The following PDE9A variants were observed in gnomAD, a reference collection of about 807,000 sequenced individuals.
The protein encoded by PDE9A is high affinity cGMP-specific 3',5'-cyclic phosphodiesterase 9A.
A neutral mutation model predicts 87.4 loss-of-function variants in PDE9A; 60 were observed. The ratio of observed to expected loss-of-function variants is 0.69; its 90% CI spans 0.56 to 0.85. The LOEUF is 0.85. Among genes scored for constraint, PDE9A ranks in the 40% least tolerant of loss-of-function variants. The pLI, the probability that PDE9A is intolerant of heterozygous loss-of-function variation, is 0.00. For synonymous variants in PDE9A, 272 were observed against 279.4 expected, an observed-to-expected ratio of 0.97 and a Z score of 0.27; for missense variants, 665 against 779.0, an observed-to-expected ratio of 0.85 and a Z score of 1.74.
chr21:42,752,431 G>C (rs930012042), intron 9 of PDE9A, among the ~76,000 whole-genome samples: 1 of 152,026 alleles, frequency 6.6e-6, no homozygotes, highest in Admixed American at 6.6e-5. Flanking sequence ...GCCATGCCCG[G>C]CTAATTACTG....
intron 1 of PDE9A, among the ~76,000 whole-genome samples, chr21:42,669,319 C>T (rs2058251086): frequency 1.3e-5 from 2 of 152,078 alleles, no homozygotes; most frequent in South Asian, 4.1e-4. Context: ...ATTGCGGCCG[C>T]ATCACACCAC....
At chr21:42,669,468 C>G (rs368561389) in intron 1 of PDE9A, among the ~76,000 whole-genome samples, 89 of 152,336 alleles carry the variant, frequency 5.8e-4, no homozygotes, top group African/African-American at 2.1e-3. Flanking sequence ...TCAAATCCTT[C>G]CACTTAACAG....
chr21:42,738,969 GCATGAGC>G (rs2052785358), intron 7 of PDE9A, among the ~76,000 whole-genome samples: 1 of 152,230 alleles, frequency 6.6e-6, no homozygotes, highest in South Asian at 2.1e-4. Context: ...GGGATTATAG[GCATGAGC>G]CACTGCGCCC....
chr21:42,696,532 C>T lies in PDE9A; in HGVS notation c.219-2436C>T, dbSNP rs1326767994. Among the ~76,000 whole-genome samples, 1 of 152,036 alleles carries T rather than the reference C, an allele frequency of 6.6e-6. No homozygotes were observed. The highest frequency in any genetic ancestry group is 2.4e-5 in the African/African-American group (1 of 41,386). On this transcript the variant is annotated intron_variant, in intron 3 of 19. Coordinates refer to ENST00000291539, the MANE Select transcript of PDE9A (RefSeq NM_002606.3). This position sits in a 1 kb window ranked among gnomAD's most constrained non-coding sequence, Gnocchi z 5.1. Reference sequence around the variant, plus strand: ...CTGCCCACGCAGGTCCTGGCTTTCTCTCCACCCACTGCACCATTTCCAGGG... The same window carrying T: ...CTGCCCACGCAGGTCCTGGCTTTCTTTCCACCCACTGCACCATTTCCAGGG...
intron 1 of PDE9A, among the ~76,000 whole-genome samples, chr21:42,667,886 C>T (rs2058115470): frequency 6.6e-6 from 1 of 151,992 alleles, no homozygotes; most frequent in Admixed American, 6.6e-5. Context: ...ACCGCCCTTT[C>T]CCCCCTGCAG....
intron 1 of PDE9A, among the ~76,000 whole-genome samples, chr21:42,665,622 G>C (rs371074262): frequency 6.6e-6 from 1 of 152,148 alleles, no homozygotes. Flanking sequence ...TCCCTGCCCT[G>C]GCCGGCCCTT....
At chr21:42,697,826 G>A (rs1447963594) in intron 3 of PDE9A, among the ~76,000 whole-genome samples, 1 of 152,158 alleles carries the variant, frequency 6.6e-6, no homozygotes, top group Non-Finnish European at 1.5e-5. Flanking sequence ...CTTACCCACT[G>A]GGGATGAGGG....
Position 42,704,182 on chromosome 21 carries a change from G to T in PDE9A, c.262+5171G>T, listed in dbSNP as rs1240141955. Among the ~76,000 whole-genome samples the T allele has an allele frequency of 6.6e-6, 1 of 152,198 alleles. No homozygotes were observed. The highest frequency in any genetic ancestry group is 1.5e-5 in the Non-Finnish European group (1 of 68,036). Reference sequence around the variant, plus strand: ...AGCGGCCACACGGAAGGCCAGGCTGGGTGTCCCTCCGGGCCAGCCGAGGAG... The same window carrying T: ...AGCGGCCACACGGAAGGCCAGGCTGTGTGTCCCTCCGGGCCAGCCGAGGAG... On this transcript the variant is annotated intron_variant, in intron 4 of 19. Transcript: ENST00000291539. This position sits in a 1 kb window ranked among gnomAD's most constrained non-coding sequence, Gnocchi z 5.3.
chr21:42,744,929 G>A (rs1447083711), intron 8 of PDE9A, among the ~76,000 whole-genome samples: 3 of 152,222 alleles, frequency 2.0e-5, no homozygotes. Context: ...TTGCCTCCAT[G>A]CCCGCTGGTG....
chr21:42,688,680 C>A (rs1004644495), intron 3 of PDE9A, among the ~76,000 whole-genome samples: 1 of 152,212 alleles, frequency 6.6e-6, no homozygotes, highest in South Asian at 2.1e-4. Flanking sequence ...AGCAGGTGAG[C>A]TGGGGGCGGG....
chr21:42,691,679 G>A (rs757254450), intron 3 of PDE9A, among the ~76,000 whole-genome samples: 4 of 148,980 alleles, frequency 2.7e-5, no homozygotes, highest in Non-Finnish European at 4.5e-5. Context: ...AAGTCACTCA[G>A]CCCATCACCA....
rs987280286 is a variant in PDE9A at position 42,692,522 on chromosome 21, C to A, written c.218+4528C>A. On this transcript the variant is annotated intron_variant, in intron 3 of 19. Transcript: ENST00000291539. The surrounding 1 kb of genome is among the most constrained non-coding windows in gnomAD (Gnocchi z 4.3). ...CCTAGTAGTTCTCAGACAACTGCGT[C>A]AGAATCCGCAGGGGGCTTGGTGGAG... Among the ~76,000 whole-genome samples, 1 of 152,156 alleles carries A rather than the reference C, an allele frequency of 6.6e-6. No homozygotes were observed. The highest frequency in any genetic ancestry group is 1.5e-5 in the Non-Finnish European group (1 of 68,016).
chr21:42,697,245 A>G (rs2060191965), intron 3 of PDE9A, among the ~76,000 whole-genome samples: 1 of 152,012 alleles, frequency 6.6e-6, no homozygotes, highest in African/African-American at 2.4e-5. Context: ...CCCAAAGTGC[A>G]GGGAGGTCAG....
At chr21:42,698,631 T>A (rs2060271751) in intron 3 of PDE9A, among the ~76,000 whole-genome samples, 1 of 152,132 alleles carries the variant, frequency 6.6e-6, no homozygotes, top group African/African-American at 2.4e-5. Flanking sequence ...GCCACCTGCA[T>A]CCGCCAGGTG....
intron 8 of PDE9A, among the ~76,000 whole-genome samples, chr21:42,748,506 CT>C (rs1279694817): frequency 1.3e-5 from 2 of 152,206 alleles, no homozygotes; most frequent in African/African-American, 4.8e-5. Flanking sequence ...ACCGAAGCCT[CT>C]TTTTCCAGAA....
In PDE9A at chr21:42,739,080, G is replaced by A. The variant is rs2052803233; in HGVS notation, c.569-4696G>A. Among the ~76,000 whole-genome samples, 1 of 152,372 alleles carries A rather than the reference G, an allele frequency of 6.6e-6. No individual in the cohort carries two copies. The highest frequency in any genetic ancestry group is 3.4e-3 in the Middle Eastern group (1 of 294). ...CCTAGGGTCCACACCTGGTCAGCGG[G>A]AATAACAGGCAGCCGTGGGCTGGGC... On this transcript the variant is annotated intron_variant, in intron 7 of 19. Coordinates refer to ENST00000291539, the MANE Select transcript of PDE9A (RefSeq NM_002606.3). The surrounding 1 kb of genome is among the most constrained non-coding windows in gnomAD (Gnocchi z 4.1).
At chr21:42,737,056 G>A (rs530626473) in intron 7 of PDE9A, among the ~76,000 whole-genome samples, 8 of 152,330 alleles carry the variant, frequency 5.3e-5, no homozygotes, top group African/African-American at 1.9e-4. Context: ...TTGAGGAGAG[G>A]GCCTGCAGCT....
In PDE9A at chr21:42,696,537, C is replaced by T. The variant is rs985398144; in HGVS notation, c.219-2431C>T. ...CACGCAGGTCCTGGCTTTCTCTCCA[C>T]CCACTGCACCATTTCCAGGGCTGCT... On this transcript the variant is annotated intron_variant, in intron 3 of 19. Transcript: ENST00000291539. The surrounding 1 kb of genome is among the most constrained non-coding windows in gnomAD (Gnocchi z 5.1). Among the ~76,000 whole-genome samples the T allele has an allele frequency of 6.6e-6, 1 of 152,066 alleles. No individual in the cohort carries two copies. The highest frequency in any genetic ancestry group is 1.5e-5 in the Non-Finnish European group (1 of 68,024).
At chr21:42,758,710 C>A (rs2055341580) in intron 10 of PDE9A, 3 of 380,404 alleles carry the variant, frequency 7.9e-6, no homozygotes, top group South Asian at 3.8e-5. Flanking sequence ...TAAGAATTCT[C>A]CTTGACTTCG....
Sources: allele counts gnomAD v4.1 joint callset (sites outside exome capture counted in the v4.1 genomes callset), GRCh38; gene constraint gnomAD v4.1.1; non-coding constraint Gnocchi (gnomAD v3.1); transcripts MANE v1.5; gene names NCBI Gene and HGNC (gene_info 2026-07-23, HGNC 2026-07-21).